The following IMMP2L variants were observed in gnomAD, a reference collection of about 807,000 sequenced individuals.
IMMP2L encodes inner mitochondrial membrane peptidase subunit 2.
IMMP2L carries 18 observed loss-of-function variants against 19.3 expected under a neutral mutation model. The observed-to-expected ratio is 0.93, with a 90% CI of 0.64 to 1.38. The LOEUF (loss-of-function observed/expected upper bound fraction) is 1.38, where lower values mean the gene tolerates loss of function less well. IMMP2L is among the 40% of genes most tolerant of loss of function. The pLI is 0.00. For synonymous variants in IMMP2L, 76 were observed against 73.0 expected (o/e 1.04, Z -0.21); for missense variants, 233 against 218.2 (o/e 1.07, Z -0.43).
At chr7:110,773,198 T>G (rs1799152889) in intron 5 of IMMP2L, among the ~76,000 whole-genome samples, 1 of 152,066 alleles carries the variant, frequency 6.6e-6, no homozygotes, top group African/African-American at 2.4e-5. Flanking sequence ...AACCAAGGAT[T>G]TTCAAGGGTG....
At chr7:110,837,828 C>T (rs955927414) in intron 5 of IMMP2L, among the ~76,000 whole-genome samples, 3 of 152,036 alleles carry the variant, frequency 2.0e-5, no homozygotes, top group Admixed American at 1.3e-4. Flanking sequence ...CCTTCCTAAC[C>T]GGGAATCCCA....
At chr7:110,981,835 A>G (rs1157416406) in intron 3 of IMMP2L, among the ~76,000 whole-genome samples, 1 of 152,156 alleles carries the variant, frequency 6.6e-6, no homozygotes, top group Non-Finnish European at 1.5e-5. Flanking sequence ...CCACAGAGAC[A>G]TGCCCAACAC....
At chr7:110,686,914 C>T (rs1793156666) in intron 5 of IMMP2L, among the ~76,000 whole-genome samples, 1 of 152,098 alleles carries the variant, frequency 6.6e-6, no homozygotes, top group African/African-American at 2.4e-5. Flanking sequence ...AATCATTCTT[C>T]ACTTTCTACT....
intron 3 of IMMP2L, among the ~76,000 whole-genome samples, chr7:111,169,091 T>C (rs1158323763): frequency 6.6e-6 from 1 of 151,936 alleles, no homozygotes; most frequent in Admixed American, 6.6e-5. Context: ...AGCAATCATG[T>C]AGTTTTTAAA....
chr7:111,053,338 A>C (rs984762586), intron 3 of IMMP2L, among the ~76,000 whole-genome samples: 22 of 152,142 alleles, frequency 1.4e-4, no homozygotes, highest in Non-Finnish European at 2.6e-4. Flanking sequence ...GAGCATGTGC[A>C]GTGTGTTTAC....
chr7:111,276,696 A>G (rs1787932350), intron 3 of IMMP2L, among the ~76,000 whole-genome samples: 1 of 151,882 alleles, frequency 6.6e-6, no homozygotes, highest in South Asian at 2.1e-4. Flanking sequence ...TAGCTGCATC[A>G]CACTACCTGA....
intron 5 of IMMP2L, among the ~76,000 whole-genome samples, chr7:110,793,996 CTCAAAA>C (rs1800672442): frequency 6.6e-6 from 1 of 152,024 alleles, no homozygotes; most frequent in African/African-American, 2.4e-5. Context: ...AAGCTGACAA[CTCAAAA>C]TGCTGGAAAG....
At chr7:111,111,409 C>T (rs552093766) in intron 3 of IMMP2L, among the ~76,000 whole-genome samples, 4 of 150,986 alleles carry the variant, frequency 2.6e-5, no homozygotes, top group African/African-American at 9.8e-5. Context: ...CCATCCCCCC[C>T]CAAAAAAAAA....
At chr7:111,108,572 G>A (rs214881) in intron 3 of IMMP2L, among the ~76,000 whole-genome samples, 13,373 of 151,938 alleles carry the variant, frequency 0.088, 1,306 homozygotes, top group African/African-American at 0.24. Context: ...AGATTTATTC[G>A]AGATATAATG....
chr7:111,382,275 G>C (rs1477802646), intron 3 of IMMP2L, among the ~76,000 whole-genome samples: 6 of 151,274 alleles, frequency 4.0e-5, no homozygotes, highest in Non-Finnish European at 7.4e-5. Flanking sequence ...ACTTTTTAAG[G>C]AAGTAACATT....
rs572203693 is a variant in IMMP2L at position 111,356,536 on chromosome 7, C to G, written c.239+130702G>C. ...GTCCTAGACCAGTCCCTCACAGATACAGAGGAATGACTGCAACCCCTTATT... is the reference window on the plus strand; with the variant it reads ...GTCCTAGACCAGTCCCTCACAGATAGAGAGGAATGACTGCAACCCCTTATT... On this transcript the variant is annotated intron_variant, in intron 3 of 5. Transcript: ENST00000405709. Among the ~76,000 whole-genome samples, 8 of 152,194 alleles carry G rather than the reference C, an allele frequency of 5.3e-5. No individual in the cohort carries two copies. In the South Asian group the frequency reaches 1.5e-3, roughly 28 times the overall value.
intron 3 of IMMP2L, among the ~76,000 whole-genome samples, chr7:111,112,804 AG>A (rs1799397324): frequency 6.6e-6 from 1 of 152,210 alleles, no homozygotes; most frequent in Admixed American, 6.5e-5. Context: ...GTATAGTAAC[AG>A]AAAAGCACCA....
intron 3 of IMMP2L, among the ~76,000 whole-genome samples, chr7:111,028,323 A>G (rs1585834168): frequency 2.0e-5 from 3 of 152,086 alleles, no homozygotes; most frequent in African/African-American, 7.2e-5. Flanking sequence ...TCAGTGATAA[A>G]CAGCAAATAC....
At chr7:110,819,962 T>C (rs1334902393) in intron 5 of IMMP2L, among the ~76,000 whole-genome samples, 1 of 152,110 alleles carries the variant, frequency 6.6e-6, no homozygotes, top group African/African-American at 2.4e-5. Context: ...TATTTAATTT[T>C]CCATATTTAC....
intron 3 of IMMP2L, among the ~76,000 whole-genome samples, chr7:111,136,893 G>A (rs1002131480): frequency 2.6e-5 from 4 of 152,074 alleles, no homozygotes; most frequent in East Asian, 1.9e-4. Flanking sequence ...TTCAGGTAAC[G>A]AACTTTAAGG....
At chr7:111,112,047 C>T (rs1188285338) in intron 3 of IMMP2L, among the ~76,000 whole-genome samples, 7 of 147,278 alleles carry the variant, frequency 4.8e-5, no homozygotes, top group South Asian at 4.3e-4. Context: ...TCCTGGGTTC[C>T]GGTGATTCTC....
rs145202135 is a variant in IMMP2L, at chr7:111,412,860, G to A, written c.239+74378C>T. Reference sequence around the variant, plus strand: ...TTTAAATAAACTTCTACGTTAACAAGGTAGAAAAAGAAAAGCAAATTAAAA... The same window carrying A: ...TTTAAATAAACTTCTACGTTAACAAAGTAGAAAAAGAAAAGCAAATTAAAA... On this transcript the variant is annotated intron_variant, in intron 3 of 5. Coordinates refer to ENST00000405709, the MANE Select transcript of IMMP2L (RefSeq NM_032549.4). Among the ~76,000 whole-genome samples the A allele has an allele frequency of 2.0e-5, 3 of 150,980 alleles. 1 individual carries two copies. The highest frequency in any genetic ancestry group is 4.9e-5 in the African/African-American group (2 of 40,900).
chr7:110,749,777 A>C (rs1278398428), intron 5 of IMMP2L, among the ~76,000 whole-genome samples: 3 of 152,106 alleles, frequency 2.0e-5, no homozygotes, highest in Admixed American at 1.3e-4. Context: ...GGATAGCATT[A>C]GGAAAAATAT....
At chr7:111,482,459 G>C (rs1842274992) in intron 3 of IMMP2L, among the ~76,000 whole-genome samples, 1 of 152,086 alleles carries the variant, frequency 6.6e-6, no homozygotes, top group Non-Finnish European at 1.5e-5. Flanking sequence ...GAAAGGAAGA[G>C]AAAGGAAGCC....
Sources: gnomAD v4.1 joint callset for allele counts (sites outside exome capture counted in the v4.1 genomes callset) on GRCh38, gnomAD v4.1.1 for gene constraint, MANE v1.5 for transcripts, NCBI Gene and HGNC (gene_info 2026-07-23, HGNC 2026-07-21) for gene names.